TANC1: variants seen among roughly 807,000 people sequenced by gnomAD.
TANC1 encodes the protein protein TANC1.
Under a neutral mutation model 149.7 loss-of-function variants are expected in TANC1, and 77 were observed. That is an observed-to-expected ratio of 0.51 (90% CI 0.43 to 0.62). The LOEUF (loss-of-function observed/expected upper bound fraction) is 0.62. Among genes scored for constraint, TANC1 ranks in the 20% least tolerant of loss-of-function variants. TANC1 has a pLI of 0.00. For synonymous variants in TANC1, 854 were observed against 925.0 expected, an observed-to-expected ratio of 0.92 and a Z score of 1.39; for missense variants, 1,985 against 2,321.8, an observed-to-expected ratio of 0.85 and a Z score of 2.98.
intron 2 of TANC1, among the ~76,000 whole-genome samples, chr2:159,028,069 C>A (rs540508742): frequency 6.6e-6 from 1 of 152,156 alleles, no homozygotes; most frequent in Non-Finnish European, 1.5e-5. Context: ...TTGGGGATTA[C>A]GTTGCCAACA....
intron 2 of TANC1, among the ~76,000 whole-genome samples, chr2:159,014,844 A>T (rs1384793774): frequency 1.3e-5 from 2 of 152,164 alleles, no homozygotes; most frequent in African/African-American, 2.4e-5. Flanking sequence ...GGTCATACTG[A>T]TGCAAGAGTT....
rs989013341 is a variant in TANC1 at position 159,213,424 on chromosome 2, C to CA, written c.3245-4072dup. The stretch of plus-strand genomic sequence containing the variant: ...AACATTTTAGGTATGGGAACCCCCC[C>CA]ACCTCTGTCTCAGTGCCTCGGTATG... On this transcript the variant is annotated intron_variant, in intron 19 of 26. Coordinates refer to ENST00000263635, the MANE Select transcript of TANC1 (RefSeq NM_033394.3). 5.9e-5 allele frequency among the ~76,000 whole-genome samples: 9 copies of CA among 151,820 alleles called. No individual in the cohort carries two copies. In the South Asian group the frequency reaches 1.0e-3, roughly 18 times the overall value.
Position 158,983,468 on chromosome 2 carries a change from C to CAAAAAAAAAAA in TANC1, c.-126+14695_-126+14705dup, listed in dbSNP as rs35472970. On this transcript the variant is annotated intron_variant, in intron 1 of 26. Transcript: ENST00000263635. ...GGAGACAGAGCAAGACTCCGTCTCC[C>CAAAAAAAAAAA]AAAAAAAAAAAAAAAAAAACACCAA... is the stretch of plus-strand genomic sequence containing the variant. 2.3e-4 allele frequency among the ~76,000 whole-genome samples: 20 copies of CAAAAAAAAAAA among 88,796 alleles called. 1 individual carries two copies. Among genetic ancestry groups the CAAAAAAAAAAA allele is most frequent in the African/African-American group, 6.9e-4 (15 of 21,720 alleles). The allele number at this position is 88,796 out of a possible 152,430, so 58.3% of individuals were successfully genotyped here.
intron 14 of TANC1, among the ~76,000 whole-genome samples, chr2:159,183,007 A>G (rs2056646428): frequency 6.6e-6 from 1 of 152,188 alleles, no homozygotes; most frequent in Admixed American, 6.5e-5. Flanking sequence ...ATCTAGTTTG[A>G]CTTGACCTTT....
At chr2:159,227,690 T>C (rs2060098083) in intron 24 of TANC1, 129 bp from the exon 25 acceptor site, 1 of 1,019,394 alleles carries the variant, frequency 9.8e-7, no homozygotes, top group Non-Finnish European at 1.4e-6. Context: ...TGACACTTGT[T>C]TGGATGCTTT....
rs140305699 is a variant in TANC1, at chr2:159,064,028, G to A, written c.-15-1868G>A. Among the ~76,000 whole-genome samples the A allele has an allele frequency of 4.5e-3, 685 of 152,206 alleles. 5 individuals carry two copies. The highest frequency in any genetic ancestry group is 0.015 in the African/African-American group (639 of 41,538). On this transcript the variant is annotated intron_variant, in intron 2 of 26. Coordinates refer to ENST00000263635, the MANE Select transcript of TANC1 (RefSeq NM_033394.3). ...ACCTTGCATGAGCTTCGGTGGCATG[G>A]CTCTGTCAGTATTTTTCTCTTATTT... is the stretch of plus-strand genomic sequence containing the variant.
chr2:159,079,238 C>A (rs2044004909), intron 3 of TANC1, among the ~76,000 whole-genome samples: 1 of 151,840 alleles, frequency 6.6e-6, no homozygotes, highest in Non-Finnish European at 1.5e-5. Flanking sequence ...ACTATATTGT[C>A]CAGGCTGATC....
chr2:159,231,025 C>G lies in TANC1; in HGVS notation c.*13C>G. ...GTCAAATGTGTGAACCTTAAGAAATCCCCATTTGTGGAATTTGGAAACGTG... is the reference window on the plus strand; with the variant it reads ...GTCAAATGTGTGAACCTTAAGAAATGCCCATTTGTGGAATTTGGAAACGTG... On this transcript the variant is annotated 3_prime_UTR_variant, in exon 27 of 27. Coordinates refer to ENST00000263635, the MANE Select transcript of TANC1 (RefSeq NM_033394.3). The G allele has an allele frequency of 6.4e-7, 1 of 1,551,290 alleles. No homozygotes were observed. Among genetic ancestry groups the G allele is most frequent in the Non-Finnish European group, 8.7e-7 (1 of 1,145,116 alleles).
intron 3 of TANC1, among the ~76,000 whole-genome samples, chr2:159,071,574 G>A (rs537248105): frequency 3.3e-5 from 5 of 152,272 alleles, no homozygotes; most frequent in Admixed American, 1.3e-4. Context: ...GAAGCTGTTT[G>A]CCTCTAAAGT....
At chr2:159,143,551 C>CAAAAAAAAAAAAAA (rs56992262) in intron 5 of TANC1, among the ~76,000 whole-genome samples, 1 of 67,300 alleles carries the variant, frequency 1.5e-5, no homozygotes, top group Non-Finnish European at 2.5e-5. Context: ...GACCCCATCT[C>CAAAAAAAAAAAAAA]AAAAAAAAAA....
intron 1 of TANC1, among the ~76,000 whole-genome samples, chr2:158,990,574 G>A (rs1243440168): frequency 6.6e-6 from 1 of 152,202 alleles, no homozygotes; most frequent in African/African-American, 2.4e-5. Flanking sequence ...TTGAGGGATT[G>A]AGTAAGAATT....
At chr2:159,112,300 G>A (rs969481410) in intron 4 of TANC1, among the ~76,000 whole-genome samples, 3 of 152,078 alleles carry the variant, frequency 2.0e-5, no homozygotes, top group African/African-American at 4.8e-5. Flanking sequence ...AGGCTGGAGT[G>A]CCGTGGTGTG....
chr2:159,141,795 G>T (rs2051400974), intron 5 of TANC1, among the ~76,000 whole-genome samples: 1 of 152,168 alleles, frequency 6.6e-6, no homozygotes, highest in East Asian at 1.9e-4. Context: ...TGGGACTAAG[G>T]TGCAAGGAGC....
Position 159,219,699 on chromosome 2 carries a change from C to T in TANC1, c.3510C>T (p.Ala1170=). The T allele has an allele frequency of 6.2e-7, 1 of 1,614,146 alleles. No individual in the cohort carries two copies. The part of the protein sequence containing the change: ...TVEFLLSKGA[A]LSSLDKEGLS... ...AATGGGCTTTCCTTTCAGGTGCAGC[C>T]CTTTCTTCTCTAGACAAAGAGGGTC... The change falls in exon 22 of 27, where the codon GCC becomes GCT. Residue 1170 remains alanine (A), a synonymous_variant. Transcript: ENST00000263635.
At chr2:159,111,982 C>A (rs954485126) in intron 4 of TANC1, among the ~76,000 whole-genome samples, 1 of 152,118 alleles carries the variant, frequency 6.6e-6, no homozygotes, top group East Asian at 1.9e-4. Context: ...TGAAGTGAGA[C>A]GTACAAACTA....
chr2:159,129,136 A>G (rs1044458374), intron 4 of TANC1, among the ~76,000 whole-genome samples: 1 of 152,184 alleles, frequency 6.6e-6, no homozygotes, highest in African/African-American at 2.4e-5. Context: ...TGTAAGATCC[A>G]CTTTAAATGC....
chr2:159,181,302 C>CTTT (rs755312956), intron 14 of TANC1, among the ~76,000 whole-genome samples: 1 of 140,476 alleles, frequency 7.1e-6, no homozygotes, highest in Non-Finnish European at 1.6e-5. Context: ...GATTTTTTTG[C>CTTT]TTTTTTTTTT....
intron 3 of TANC1, among the ~76,000 whole-genome samples, chr2:159,088,083 C>A (rs1196194570): frequency 1.3e-5 from 2 of 151,508 alleles, no homozygotes; most frequent in African/African-American, 4.9e-5. Flanking sequence ...GGACTTGGAG[C>A]CTCCAGAAAT....
At chr2:159,018,325 C>T (rs139525053) in intron 2 of TANC1, among the ~76,000 whole-genome samples, 11 of 152,154 alleles carry the variant, frequency 7.2e-5, no homozygotes, top group African/African-American at 1.2e-4. Context: ...GTTAATACTG[C>T]GCTTCCCAAC....
Sources: allele counts gnomAD v4.1 joint callset (sites outside exome capture counted in the v4.1 genomes callset), GRCh38; gene constraint gnomAD v4.1.1; transcripts MANE v1.5; gene names NCBI Gene and HGNC (gene_info 2026-07-23, HGNC 2026-07-21).